Variants in TSNAXIP1 observed in about 807,000 individuals in gnomAD.
TSNAXIP1 encodes the protein translin-associated factor X-interacting protein 1.
A neutral mutation model predicts 84.8 loss-of-function variants in TSNAXIP1; 89 were observed. The observed-to-expected ratio is 1.05, with a 90% confidence interval of 0.88 to 1.25. The LOEUF is 1.25. TSNAXIP1 is among the 50% of genes most tolerant of loss of function. The pLI, the probability that TSNAXIP1 is intolerant of heterozygous loss-of-function variation, is 0.00. For synonymous variants in TSNAXIP1, 347 were observed against 335.2 expected, an observed-to-expected ratio of 1.04 and a Z score of -0.39; for missense variants, 874 against 887.6, an observed-to-expected ratio of 0.98 and a Z score of 0.20.
chr16:67,827,388 G>A lies in TSNAXIP1; in HGVS notation c.1791+13G>A. On this transcript the variant is annotated intron_variant, in intron 14 of 15. Coordinates refer to ENST00000561639, the MANE Select transcript of TSNAXIP1 (RefSeq NM_001288990.3). Reference sequence around the variant, plus strand: ...ACTGTTTATGGAGGTGGGTGTGTGGGGTCCGGGGACTGGCCTGGCCCCTGC... The same window carrying A: ...ACTGTTTATGGAGGTGGGTGTGTGGAGTCCGGGGACTGGCCTGGCCCCTGC... 1 of 1,614,152 alleles carries A rather than the reference G, an allele frequency of 6.2e-7. No homozygotes were observed. The highest frequency in any genetic ancestry group is 8.5e-7 in the Non-Finnish European group (1 of 1,180,000).
At chr16:67,809,635 T>A (rs28465467) in intron 1 of TSNAXIP1, among the ~76,000 whole-genome samples, 28,647 of 143,766 alleles carry the variant, frequency 0.2, 3,429 homozygotes, top group African/African-American at 0.37. Context: ...CAAAAAAAAA[T>A]AAATAAATAA....
Position 67,824,615 on chromosome 16 carries a change from C to G in TSNAXIP1, c.514C>G (p.Pro172Ala). The change falls in exon 6 of 16, where the codon CCC becomes GCC. Residue 172 changes from proline to alanine, a missense_variant. Physicochemically the swap from Pro to Ala is conservative, Grantham distance 27. Coordinates refer to ENST00000561639, the MANE Select transcript of TSNAXIP1 (RefSeq NM_001288990.3). ...AAGGGAGAAGATTCGGGCTCTGGAG[C>G]CCCTGAAGGCCAAGCTTGTCACTGT... ...HQREKIRALEPLKAKLVTVNE... is the reference protein window; with the variant it reads ...HQREKIRALEALKAKLVTVNE... 1.2e-6 allele frequency: 2 copies of G among 1,614,032 alleles called. No individual in the cohort carries two copies. The highest frequency in any genetic ancestry group is 1.7e-6 in the Non-Finnish European group (2 of 1,179,974).
chr16:67,807,487 C>T (rs1308475769), intron 1 of TSNAXIP1: 2 of 1,089,968 alleles, frequency 1.8e-6, no homozygotes, highest in African/African-American at 1.6e-5. Context: ...ATTTTTGAGA[C>T]AAGATCTCGT....
chr16:67,823,793 G>A, intron 5 of TSNAXIP1, 74 bp downstream of exon 5: 1 of 1,303,364 alleles, frequency 7.7e-7, no homozygotes, highest in South Asian at 1.2e-5. Flanking sequence ...CGAGGCGGTA[G>A]ATCACTTGAG....
intron 2 of TSNAXIP1, among the ~76,000 whole-genome samples, chr16:67,817,829 T>C (rs1461562867): frequency 6.6e-6 from 1 of 151,652 alleles, no homozygotes; most frequent in Non-Finnish European, 1.5e-5. Context: ...GAGGTTGCAG[T>C]GAGCCAAGAT....
chr16:67,819,370 A>T (rs2056848139), intron 2 of TSNAXIP1, among the ~76,000 whole-genome samples: 1 of 150,472 alleles, frequency 6.6e-6, no homozygotes. Context: ...CAGCCTCCCG[A>T]GTAACTGGGA....
Position 67,827,961 on chromosome 16 carries a change from G to A in TSNAXIP1, c.2107G>A (p.Val703Met). Residue 703 changes from valine to methionine, a missense_variant, in exon 16 of 16, where the codon GTG becomes ATG. Coordinates refer to ENST00000561639, the MANE Select transcript of TSNAXIP1 (RefSeq NM_001288990.3). ...ERLQVIDIRR[V>M]GPREPEPAS ...GCTTCAGGTGATTGACATCAGGCGT[G>A]TGGGACCTCGAGAGCCAGAGCCTGC... 1 of 1,613,632 alleles carries A rather than the reference G, an allele frequency of 6.2e-7. No individual in the cohort carries two copies. Among genetic ancestry groups the A allele is most frequent in the South Asian group, 1.1e-5 (1 of 91,088 alleles).
Position 67,819,815 on chromosome 16 carries a change from A to ATTT in TSNAXIP1, c.148-1004_148-1002dup, listed in dbSNP as rs1162375778. 7.8e-5 allele frequency among the ~76,000 whole-genome samples: 8 copies of ATTT among 102,638 alleles called. 1 individual carries two copies. Among genetic ancestry groups the ATTT allele is most frequent in the African/African-American group, 1.7e-4 (4 of 23,828 alleles). 67.3% of individuals were successfully genotyped at this position (102,638 alleles called of 152,430 possible). A position where few individuals can be genotyped will look rare whatever the true frequency, so the allele number is the denominator to read the frequency against. On this transcript the variant is annotated intron_variant, in intron 2 of 15. Transcript: ENST00000561639. ...AGCACATGCCACCACACCTGGCTAA[A>ATTT]TTTTTTTTTTTTTTTTTTTTTTGAG...
intron 11 of TSNAXIP1, 62 bp downstream of exon 11, chr16:67,826,624 C>T: frequency 6.2e-7 from 1 of 1,611,782 alleles, no homozygotes; most frequent in Non-Finnish European, 8.5e-7. Flanking sequence ...CTCTGCAGGT[C>T]CAGAGGTGAC....
chr16:67,825,322 G>A (rs1201444892), intron 7 of TSNAXIP1, 50 bp downstream of exon 7: 2 of 1,606,620 alleles, frequency 1.2e-6, no homozygotes, highest in Non-Finnish European at 1.7e-6. Context: ...GACGCTGGAA[G>A]ACTCTGGTCT....
chr16:67,825,893 C>T, intron 8 of TSNAXIP1, 24 bp from the exon 9 acceptor site: 1 of 1,614,034 alleles, frequency 6.2e-7, no homozygotes, highest in Non-Finnish European at 8.5e-7. Context: ...GGTGGGGGGC[C>T]AGGGCCAATG....
chr16:67,812,045 GTCCTAA>G (rs1475243943), intron 1 of TSNAXIP1, among the ~76,000 whole-genome samples: 2 of 152,172 alleles, frequency 1.3e-5, no homozygotes, highest in African/African-American at 2.4e-5. Flanking sequence ...AGTTTGGGTA[GTCCTAA>G]TCCTACTTTT....
At chr16:67,817,357 A>G (rs1009685801) in intron 2 of TSNAXIP1, among the ~76,000 whole-genome samples, 1 of 131,122 alleles carries the variant, frequency 7.6e-6, no homozygotes, top group Non-Finnish European at 1.6e-5. Flanking sequence ...ACGGGGTTTC[A>G]CCGTGGTCTC....
intron 1 of TSNAXIP1, among the ~76,000 whole-genome samples, chr16:67,808,745 AAAAAAAG>A (rs766602238): frequency 6.6e-6 from 1 of 152,162 alleles, no homozygotes; most frequent in Middle Eastern, 3.2e-3. Context: ...ACTCCGTCTC[AAAAAAAG>A]AAAAAAGAAA....
intron 1 of TSNAXIP1, among the ~76,000 whole-genome samples, chr16:67,809,233 G>A (rs2055800261): frequency 8.2e-6 from 1 of 121,872 alleles, no homozygotes; most frequent in Admixed American, 9.3e-5. Context: ...ACTTTGGGAG[G>A]CCAAGGTGCG....
intron 2 of TSNAXIP1, among the ~76,000 whole-genome samples, chr16:67,816,247 G>A (rs1305606467): frequency 2.0e-5 from 3 of 152,074 alleles, no homozygotes; most frequent in Admixed American, 6.6e-5. Flanking sequence ...GATTACAGGC[G>A]TGAGCCACTG....
chr16:67,807,194 G>A lies in TSNAXIP1; in HGVS notation c.45G>A (p.Ser15=), dbSNP rs2055513116. 1 of 1,536,020 alleles carries A rather than the reference G, an allele frequency of 6.5e-7. No individual in the cohort carries two copies. The part of the protein sequence containing the change: ...QSRYHSFSSA[S]RLQPRPSGVT... The stretch of plus-strand genomic sequence containing the variant: ...GGTACCACAGCTTCTCGTCCGCGTC[G>A]AGGTAGGCGCTGGCAGGGATGAGGG... The change falls in exon 1 of 16, where the codon TCG becomes TCA. Residue 15 remains serine, a splice_region_variant and synonymous_variant. Coordinates refer to ENST00000561639, the MANE Select transcript of TSNAXIP1 (RefSeq NM_001288990.3).
chr16:67,810,844 A>T (rs1269041885), intron 1 of TSNAXIP1, among the ~76,000 whole-genome samples: 7 of 150,366 alleles, frequency 4.7e-5, no homozygotes, highest in Non-Finnish European at 1.0e-4. Context: ...GGTTCAAGCG[A>T]TTCTCCTGCC....
At chr16:67,807,314 C>G (rs2151175361) in intron 1 of TSNAXIP1, 118 bp downstream of exon 1, 2 of 1,534,538 alleles carry the variant, frequency 1.3e-6, no homozygotes, top group Middle Eastern at 1.7e-4. Context: ...ATCTAGGGCT[C>G]CAGCACCACA....
Sources: gnomAD v4.1 joint callset for allele counts (sites outside exome capture counted in the v4.1 genomes callset) on GRCh38, gnomAD v4.1.1 for gene constraint, MANE v1.5 for transcripts, NCBI Gene and HGNC (gene_info 2026-07-23, HGNC 2026-07-21) for gene names.